ACSM2A: variants seen among roughly 807,000 people sequenced by gnomAD.
ACSM2A encodes acyl-CoA synthetase medium chain family member 2A.
Under a neutral mutation model 76.6 loss-of-function variants are expected in ACSM2A, and 72 were observed. That is an observed-to-expected ratio of 0.94 (90% CI 0.78 to 1.14). The LOEUF (loss-of-function observed/expected upper bound fraction) is 1.14. Among genes scored for constraint, ACSM2A ranks in the 50% most tolerant of loss-of-function variants. ACSM2A has a pLI of 0.00. For missense variants in ACSM2A, 684 were observed against 708.5 expected, an observed-to-expected ratio of 0.97 and a Z score of 0.39; for synonymous variants, 249 against 255.9, an observed-to-expected ratio of 0.97 and a Z score of 0.26.
At chr16:20,481,149 A>G in intron 12 of ACSM2A, 1 of 577,726 alleles carries the variant, frequency 1.7e-6, no homozygotes, top group Non-Finnish European at 3.0e-6. Context: ...TAATATTTGT[A>G]AAGTACTTAA....
chr16:20,459,663 A>C (rs1485374075), intron 1 of ACSM2A, among the ~76,000 whole-genome samples: 1 of 152,188 alleles, frequency 6.6e-6, no homozygotes, highest in African/African-American at 2.4e-5. Context: ...TGACCAAAGC[A>C]TATCTCATGA....
Position 20,475,700 on chromosome 16 carries a change from T to A in ACSM2A, c.1025T>A (p.Leu342His), listed in dbSNP as rs762511273. 1 of 1,614,030 alleles carries A rather than the reference T, an allele frequency of 6.2e-7. No homozygotes were observed. Among genetic ancestry groups the A allele is most frequent in the East Asian group, 2.2e-5 (1 of 44,882 alleles). Residue 342 changes from leucine (L) to histidine (H), a missense_variant, in exon 8 of 14, where the codon CTT becomes CAT. Physicochemically the swap from Leu to His is moderately conservative, Grantham distance 99. This residue lies in a region of ACSM2A where 519 missense variants were observed against 549.5 expected (regional missense o/e 0.94). Coordinates refer to ENST00000573854, the MANE Select transcript of ACSM2A (RefSeq NM_001308172.2). ...TGCGTCACTGTAGGGGAGTCCCTTC[T>A]TCCAGAAACTCTGGAGAACTGGAGG... ...QNCVTVGESL[L>H]PETLENWRAQ...
At chr16:20,486,480 C>T in intron 13 of ACSM2A, 94 bp from the exon 14 acceptor site, 2 of 1,414,792 alleles carry the variant, frequency 1.4e-6, no homozygotes, top group South Asian at 1.2e-5. Context: ...TGGCTCCAGC[C>T]TGAAGAACTT....
At chr16:20,480,215 T>C (rs1392235306) in intron 10 of ACSM2A, among the ~76,000 whole-genome samples, 1 of 152,158 alleles carries the variant, frequency 6.6e-6, no homozygotes, top group Non-Finnish European at 1.5e-5. Flanking sequence ...CTAATCAAAA[T>C]GATAGCTTTG....
intron 2 of ACSM2A, among the ~76,000 whole-genome samples, chr16:20,461,204 T>C (rs1012010602): frequency 6.8e-6 from 1 of 146,248 alleles, no homozygotes; most frequent in Admixed American, 6.8e-5. Context: ...TGACATGATG[T>C]CCTAAGTTCC....
At chr16:20,470,926 T>C in intron 4 of ACSM2A, 147 bp from the exon 5 acceptor site, 1 of 1,210,908 alleles carries the variant, frequency 8.3e-7, no homozygotes, top group East Asian at 2.4e-5. Context: ...CAGACTCCCA[T>C]GATCTTAATC....
At chr16:20,482,427 T>A (rs1310874761) in intron 12 of ACSM2A, 2 of 152,192 alleles carry the variant, frequency 1.3e-5, no homozygotes, top group Non-Finnish European at 2.9e-5. Flanking sequence ...AGATGGGGTC[T>A]AGTGGACTTT....
At chr16:20,479,736 C>T (rs1394678) in intron 10 of ACSM2A, among the ~76,000 whole-genome samples, 61,279 of 152,060 alleles carry the variant, frequency 0.4, 14,303 homozygotes, top group East Asian at 0.79. Context: ...CCCCATTTGA[C>T]AGAAAAGGAA....
intron 8 of ACSM2A, chr16:20,477,102 C>T (rs2013788007): frequency 2.4e-6 from 1 of 424,290 alleles, no homozygotes; most frequent in Non-Finnish European, 3.8e-6. Context: ...AAATGTGGTT[C>T]CCCCTAAAAG....
intron 6 of ACSM2A, among the ~76,000 whole-genome samples, chr16:20,472,334 G>C (rs1457822743): frequency 6.6e-6 from 1 of 152,148 alleles, no homozygotes; most frequent in Non-Finnish European, 1.5e-5. Flanking sequence ...CTCTCTTCCT[G>C]GCTTGCTGAT....
chr16:20,473,818 A>T lies in ACSM2A; in HGVS notation c.895-1544A>T, dbSNP rs182970876. ...TGGTATTAACATCAATACAGACTTTAAGTCTGATTAAAAAAAAAAGATTAC... is the reference window on the plus strand; with the variant it reads ...TGGTATTAACATCAATACAGACTTTTAGTCTGATTAAAAAAAAAAGATTAC... On this transcript the variant is annotated intron_variant, in intron 6 of 13. Transcript: ENST00000573854. 31 of 273,988 alleles carry T rather than the reference A, an allele frequency of 1.1e-4. No individual in the cohort carries two copies. The East Asian group carries it at 2.7e-3, about 24-fold the overall frequency. 17.0% of individuals were successfully genotyped at this position (273,988 alleles called of 1,614,324 possible).
intron 12 of ACSM2A, chr16:20,482,423 G>C (rs2014139946): frequency 6.6e-6 from 1 of 152,140 alleles, no homozygotes; most frequent in Non-Finnish European, 1.5e-5. Flanking sequence ...GCTCAGATGG[G>C]GTCTAGTGGA....
chr16:20,459,106 A>G (rs2012443560), intron 1 of ACSM2A, among the ~76,000 whole-genome samples: 1 of 151,688 alleles, frequency 6.6e-6, no homozygotes, highest in Non-Finnish European at 1.5e-5. Context: ...ACATTGGTGC[A>G]AAGGCATGAG....
At chr16:20,479,685 C>T (rs566822048) in intron 10 of ACSM2A, among the ~76,000 whole-genome samples, 1 of 152,312 alleles carries the variant, frequency 6.6e-6, no homozygotes, top group East Asian at 1.9e-4. Flanking sequence ...TGGTCCCACT[C>T]TATTCTCAAA....
chr16:20,473,873 T>A (rs1315804285), intron 6 of ACSM2A: 2 of 341,174 alleles, frequency 5.9e-6, no homozygotes, highest in Non-Finnish European at 1.1e-5. Context: ...CTAGTGCCAG[T>A]ACCTAAAAGC....
intron 3 of ACSM2A, among the ~76,000 whole-genome samples, chr16:20,468,361 C>G (rs1367392724): frequency 6.6e-6 from 1 of 152,124 alleles, no homozygotes; most frequent in African/African-American, 2.4e-5. Context: ...TTATTCTGTT[C>G]TTTTCTTTCT....
chr16:20,486,718 C>A lies in ACSM2A; in HGVS notation c.*40C>A. ...ATTCATTTGGATTCCCCTCTTCTTT[C>A]TCTTTCTTTTCCCTTTGGGCCCTTG... On this transcript the variant is annotated 3_prime_UTR_variant, in exon 14 of 14. Transcript: ENST00000573854. 1 of 1,609,058 alleles carries A rather than the reference C, an allele frequency of 6.2e-7. No homozygotes were observed. Among genetic ancestry groups the A allele is most frequent in the Non-Finnish European group, 8.5e-7 (1 of 1,175,724 alleles).
At chr16:20,470,000 T>A (rs1053125908) in intron 4 of ACSM2A, among the ~76,000 whole-genome samples, 3 of 150,354 alleles carry the variant, frequency 2.0e-5, no homozygotes, top group Non-Finnish European at 3.0e-5. Context: ...AAAGCACTGA[T>A]CCATTAGCAT....
chr16:20,460,917 A>T (rs1182071003), intron 2 of ACSM2A, among the ~76,000 whole-genome samples: 2 of 122,310 alleles, frequency 1.6e-5, no homozygotes, highest in African/African-American at 7.1e-5. Context: ...CTGTCAATAG[A>T]GGTGTGCAAG....
Sources: gnomAD v4.1 joint callset for allele counts (sites outside exome capture counted in the v4.1 genomes callset) on GRCh38, gnomAD v4.1.1 for gene constraint, gnomAD v4.1.1 regional missense constraint, MANE v1.5 for transcripts, NCBI Gene and HGNC (gene_info 2026-07-23, HGNC 2026-07-21) for gene names.